TESK2: variants seen among roughly 807,000 people sequenced by gnomAD.
The protein encoded by TESK2 is dual specificity testis-specific protein kinase 2.
A neutral mutation model predicts 57.1 loss-of-function variants in TESK2; 39 were observed. The observed-to-expected ratio is 0.68, with a 90% CI of 0.53 to 0.89. The LOEUF (loss-of-function observed/expected upper bound fraction) is 0.89. Among genes scored for constraint, TESK2 ranks in the 40% least tolerant of loss-of-function variants. The probability of loss-of-function intolerance (pLI) is 0.00; values close to 1 mark genes in which losing one functional copy is unlikely to be tolerated. For missense variants in TESK2, 646 were observed against 732.1 expected (o/e 0.88, Z 1.36); for synonymous variants, 249 against 267.9 (o/e 0.93, Z 0.69).
At chr1:45,460,361 C>T (rs1432719671) in intron 1 of TESK2, among the ~76,000 whole-genome samples, 2 of 151,680 alleles carry the variant, frequency 1.3e-5, no homozygotes, top group African/African-American at 4.8e-5. Context: ...CTACGAAAAA[C>T]ACAAAAAAAT....
At chr1:45,365,922 C>G (rs1011392334) in intron 4 of TESK2, among the ~76,000 whole-genome samples, 1 of 152,060 alleles carries the variant, frequency 6.6e-6, no homozygotes. Flanking sequence ...GATCCACCTA[C>G]CTTGGCCTCC....
intron 2 of TESK2, among the ~76,000 whole-genome samples, chr1:45,442,088 C>T (rs1651469665): frequency 6.6e-6 from 1 of 152,044 alleles, no homozygotes; most frequent in Non-Finnish European, 1.5e-5. Context: ...ACGCATGCAC[C>T]ACCATGCCTG....
intron 2 of TESK2, among the ~76,000 whole-genome samples, chr1:45,443,330 C>G (rs1340146407): frequency 1.3e-5 from 2 of 151,698 alleles, no homozygotes; most frequent in Non-Finnish European, 2.9e-5. Context: ...TTTGGGAGAC[C>G]AAGGCAGGAG....
At chr1:45,422,960 G>A (rs187838911) in intron 2 of TESK2, among the ~76,000 whole-genome samples, 153 of 151,790 alleles carry the variant, frequency 1.0e-3, no homozygotes, top group African/African-American at 3.4e-3. Context: ...AGTAGAGACG[G>A]GGTTTCACCA....
At chr1:45,355,802 T>C (rs558918799) in intron 4 of TESK2, among the ~76,000 whole-genome samples, 1 of 151,888 alleles carries the variant, frequency 6.6e-6, no homozygotes, top group Non-Finnish European at 1.5e-5. Context: ...TGACCTGGAG[T>C]AGCAGGAAAG....
chr1:45,353,456 C>T (rs1647289416), intron 5 of TESK2, among the ~76,000 whole-genome samples: 1 of 152,202 alleles, frequency 6.6e-6, no homozygotes, highest in African/African-American at 2.4e-5. Flanking sequence ...GTGAGGCATC[C>T]AGGTACTTAC....
chr1:45,460,556 A>G (rs1258372148), intron 1 of TESK2, among the ~76,000 whole-genome samples: 1 of 151,988 alleles, frequency 6.6e-6, no homozygotes, highest in Non-Finnish European at 1.5e-5. Context: ...ATAAAATAAA[A>G]TAGGGTCGGG....
intron 1 of TESK2, among the ~76,000 whole-genome samples, chr1:45,459,394 C>T (rs1170287645): frequency 2.0e-5 from 3 of 152,184 alleles, no homozygotes; most frequent in African/African-American, 7.2e-5. Flanking sequence ...ATGAGATCTA[C>T]CTGAATCTAG....
chr1:45,344,757 G>T lies in TESK2; in HGVS notation c.*83C>A. On this transcript the variant is annotated 3_prime_UTR_variant, in exon 11 of 11. Transcript: ENST00000372086. ...GCCTGCCTGCTCTGTAGGCTCCAGG[G>T]AAGAATCAAGGCTGTGCACCTAGGG... is the stretch of plus-strand genomic sequence containing the variant. 1 of 1,330,664 alleles carries T rather than the reference G, an allele frequency of 7.5e-7. No individual in the cohort carries two copies. Among genetic ancestry groups the T allele is most frequent in the Non-Finnish European group, 1.0e-6 (1 of 962,540 alleles). The allele number at this position is 1,330,664 out of a possible 1,614,324, so 82.4% of individuals were successfully genotyped here.
Position 45,349,273 on chromosome 1 carries a change from A to G in TESK2, c.541-1273T>C, listed in dbSNP as rs545579939. Reference sequence around the variant, plus strand: ...CTTCCCCAAGCTGGAAGGAGCCGTGATTTCATCACTTCTACCCTGGATCAC... The same window carrying G: ...CTTCCCCAAGCTGGAAGGAGCCGTGGTTTCATCACTTCTACCCTGGATCAC... On this transcript the variant is annotated intron_variant, in intron 5 of 10. Coordinates refer to ENST00000372086, the MANE Select transcript of TESK2 (RefSeq NM_007170.3). Among the ~76,000 whole-genome samples, 19 of 152,196 alleles carry G rather than the reference A, an allele frequency of 1.2e-4. No homozygotes were observed. In the South Asian group the frequency reaches 3.7e-3, roughly 30 times the overall value.
At chr1:45,398,223 TA>T (rs774685064) in intron 3 of TESK2, among the ~76,000 whole-genome samples, 2 of 151,802 alleles carry the variant, frequency 1.3e-5, no homozygotes, top group East Asian at 3.8e-4. Context: ...ACTGAATTCT[TA>T]AAATAGCTCT....
At chr1:45,356,715 A>C (rs146558004) in intron 4 of TESK2, among the ~76,000 whole-genome samples, 88 of 152,280 alleles carry the variant, frequency 5.8e-4, no homozygotes, top group African/African-American at 2.0e-3. Flanking sequence ...AAATGATCTA[A>C]ATAGAGTCAG....
intron 4 of TESK2, among the ~76,000 whole-genome samples, chr1:45,360,028 CAGAA>C (rs1182893922): frequency 1.3e-5 from 2 of 152,122 alleles, no homozygotes; most frequent in East Asian, 1.9e-4. Flanking sequence ...TTTGGCAAGA[CAGAA>C]AGAATGACTA....
At chr1:45,466,864 A>G (rs1311329144) in intron 1 of TESK2, among the ~76,000 whole-genome samples, 2 of 151,894 alleles carry the variant, frequency 1.3e-5, no homozygotes, top group Non-Finnish European at 1.5e-5. Flanking sequence ...CCTACATTTT[A>G]TATTTATTAA....
chr1:45,410,605 C>T (rs1276694550), intron 3 of TESK2, among the ~76,000 whole-genome samples: 1 of 138,852 alleles, frequency 7.2e-6, no homozygotes, highest in Non-Finnish European at 1.6e-5. Context: ...AACTCCAACT[C>T]AAAAAAAAAA....
intron 1 of TESK2, among the ~76,000 whole-genome samples, chr1:45,482,604 A>G (rs1250811042): frequency 2.1e-4 from 32 of 149,778 alleles, no homozygotes; most frequent in Non-Finnish European, 4.7e-4. Context: ...AGCCATTAAA[A>G]AAAAAAAAAA....
intron 2 of TESK2, among the ~76,000 whole-genome samples, chr1:45,433,230 C>T (rs1337407645): frequency 6.6e-6 from 1 of 151,664 alleles, no homozygotes; most frequent in Non-Finnish European, 1.5e-5. Context: ...ACGTACCCAC[C>T]ATGCCCAGCT....
chr1:45,435,581 T>G (rs1651163878), intron 2 of TESK2, among the ~76,000 whole-genome samples: 1 of 144,120 alleles, frequency 6.9e-6, no homozygotes, highest in Non-Finnish European at 1.5e-5. Flanking sequence ...TTTTTTTTTT[T>G]TTTTTTTGTA....
At chr1:45,385,059 C>A (rs549345199) in intron 4 of TESK2, among the ~76,000 whole-genome samples, 1 of 152,304 alleles carries the variant, frequency 6.6e-6, no homozygotes, top group South Asian at 2.1e-4. Context: ...TTCTGTTAAA[C>A]AACTTTCCTT....
Sources: allele counts gnomAD v4.1 joint callset (sites outside exome capture counted in the v4.1 genomes callset), GRCh38; gene constraint gnomAD v4.1.1; transcripts MANE v1.5; gene names NCBI Gene and HGNC (gene_info 2026-07-23, HGNC 2026-07-21).